The following ADAMTSL1 variants were observed in gnomAD, a reference collection of about 807,000 sequenced individuals.
ADAMTSL1 encodes ADAMTS like 1.
ADAMTSL1 carries 126 observed loss-of-function variants against 201.8 expected under a neutral mutation model. The observed-to-expected ratio is 0.62, with a 90% CI of 0.54 to 0.72. ADAMTSL1 has a LOEUF of 0.72. Among genes scored for constraint, ADAMTSL1 ranks in the 30% least tolerant of loss-of-function variants. ADAMTSL1 has a pLI of 0.00. For missense variants in ADAMTSL1, 2,679 were observed against 2,277.8 expected, an observed-to-expected ratio of 1.18 and a Z score of -3.59; for synonymous variants, 1,121 against 903.4, an observed-to-expected ratio of 1.24 and a Z score of -4.32.
chr9:18,405,931 C>T (rs7045434), intron 2 of ADAMTSL1, among the ~76,000 whole-genome samples: 25,008 of 152,096 alleles, frequency 0.16, 2,268 homozygotes, highest in South Asian at 0.24. Context: ...TCTTTCTAAG[C>T]AGAGAAACCT....
intron 2 of ADAMTSL1, among the ~76,000 whole-genome samples, chr9:18,279,661 C>G (rs143956844): frequency 6.6e-5 from 10 of 152,128 alleles, no homozygotes; most frequent in African/African-American, 2.4e-4. Flanking sequence ...TTAGATAATT[C>G]AAAATACAGC....
chr9:18,776,641 C>A (rs925026790), intron 18 of ADAMTSL1, 140 bp from the exon 19 acceptor site: 16 of 1,018,142 alleles, frequency 1.6e-5, no homozygotes, highest in Non-Finnish European at 2.2e-5. Context: ...ACTTTCTCTC[C>A]CGTCCTCCGG....
At chr9:18,543,967 C>T (rs961614414) in intron 3 of ADAMTSL1, among the ~76,000 whole-genome samples, 3 of 152,236 alleles carry the variant, frequency 2.0e-5, no homozygotes, top group Admixed American at 2.0e-4. Flanking sequence ...TTCTCAATTT[C>T]TTATCCTCTG....
chr9:18,622,539 G>T, intron 5 of ADAMTSL1, 170 bp downstream of exon 5: 2 of 1,004,482 alleles, frequency 2.0e-6, no homozygotes, highest in Non-Finnish European at 2.9e-6. Context: ...GGTGGGACAA[G>T]TCAGGTTACC....
At chr9:18,272,949 T>A (rs1168295143) in intron 2 of ADAMTSL1, among the ~76,000 whole-genome samples, 1 of 152,210 alleles carries the variant, frequency 6.6e-6, no homozygotes, top group Non-Finnish European at 1.5e-5. Context: ...AATGGGTAAG[T>A]GCATTATTTC....
rs544579116 is a variant in ADAMTSL1 at position 18,137,452 on chromosome 9, T to G, written c.88-26410T>G. Among the ~76,000 whole-genome samples, 67 of 152,258 alleles carry G rather than the reference T, an allele frequency of 4.4e-4. 1 individual carries two copies. The South Asian group carries it at 0.014, about 31-fold the overall frequency. On this transcript the variant is annotated intron_variant, in intron 1 of 29. Transcript: ENST00000680146. ...GTCTTCCAATCATTTAAAAAAATTCTAACAGACTAACATTGCAAGTCCAGG... is the reference window on the plus strand; with the variant it reads ...GTCTTCCAATCATTTAAAAAAATTCGAACAGACTAACATTGCAAGTCCAGG...
intron 2 of ADAMTSL1, among the ~76,000 whole-genome samples, chr9:18,378,758 T>C (rs1390898003): frequency 1.3e-5 from 2 of 152,228 alleles, no homozygotes; most frequent in African/African-American, 2.4e-5. Context: ...TGGCTGCTTC[T>C]TCCTCTCTGG....
At chr9:18,289,803 A>G (rs1293767354) in intron 2 of ADAMTSL1, among the ~76,000 whole-genome samples, 2 of 152,198 alleles carry the variant, frequency 1.3e-5, no homozygotes, top group Non-Finnish European at 2.9e-5. Context: ...CAAAGTATGA[A>G]AAACTTTCTT....
At chr9:18,132,560 G>A (rs913485813) in intron 1 of ADAMTSL1, among the ~76,000 whole-genome samples, 6 of 152,072 alleles carry the variant, frequency 3.9e-5, no homozygotes, top group Admixed American at 1.3e-4. Context: ...AACCTAGATG[G>A]GTTCAACTGT....
intron 23 of ADAMTSL1, among the ~76,000 whole-genome samples, chr9:18,870,721 G>A (rs72692450): frequency 0.014 from 2,076 of 151,878 alleles, 40 homozygotes; most frequent in South Asian, 0.08. Context: ...CAGGTTTCTA[G>A]GCTAGATACC....
intron 1 of ADAMTSL1, among the ~76,000 whole-genome samples, chr9:18,098,164 TTATC>T (rs1402074107): frequency 6.6e-6 from 1 of 152,056 alleles, no homozygotes; most frequent in African/African-American, 2.4e-5. Context: ...TTTGTTATAT[TTATC>T]TATATGTTTA....
intron 2 of ADAMTSL1, among the ~76,000 whole-genome samples, chr9:18,528,730 A>G (rs1046586792): frequency 6.6e-6 from 1 of 152,126 alleles, no homozygotes; most frequent in African/African-American, 2.4e-5. Context: ...GTTCTTTCAT[A>G]CTTGACCCAG....
At chr9:17,945,623 A>C (rs1827431418) in intron 1 of ADAMTSL1, among the ~76,000 whole-genome samples, 4 of 152,208 alleles carry the variant, frequency 2.6e-5, no homozygotes, top group Admixed American at 6.5e-5. Flanking sequence ...ACACCATGGA[A>C]TACTATGCAG....
chr9:18,496,099 T>C (rs1352327910), intron 1 of ADAMTSL1, among the ~76,000 whole-genome samples: 1 of 152,220 alleles, frequency 6.6e-6, no homozygotes, highest in Non-Finnish European at 1.5e-5. Flanking sequence ...TCCAGTCTAA[T>C]TGGAAAGATA....
chr9:18,600,828 C>T lies in ADAMTSL1; in HGVS notation c.475-21415C>T, dbSNP rs999124510. ...AGAAACAAAAATATAAACTCTTAGC[C>T]TGTACCTATGGTTGTTTCAAAAGAA... On this transcript the variant is annotated intron_variant, in intron 4 of 28. Transcript: ENST00000380548. Among the ~76,000 whole-genome samples, 9 of 152,288 alleles carry T rather than the reference C, an allele frequency of 5.9e-5. No individual in the cohort carries two copies. In the East Asian group the frequency reaches 1.3e-3, roughly 23 times the overall value.
At chr9:18,836,135 C>T (rs1027349767) in intron 23 of ADAMTSL1, among the ~76,000 whole-genome samples, 1 of 152,152 alleles carries the variant, frequency 6.6e-6, no homozygotes, top group Admixed American at 6.5e-5. Flanking sequence ...AGTATAAAAG[C>T]ATTCCCTTTT....
chr9:18,255,611 A>G (rs35611355), intron 2 of ADAMTSL1, among the ~76,000 whole-genome samples: 17,689 of 152,306 alleles, frequency 0.12, 1,102 homozygotes, highest in Middle Eastern at 0.16. Flanking sequence ...GGTGTGAAAT[A>G]TGAACCAATC....
intron 2 of ADAMTSL1, among the ~76,000 whole-genome samples, chr9:18,440,998 A>G (rs1436016249): frequency 6.6e-6 from 1 of 152,202 alleles, no homozygotes; most frequent in Non-Finnish European, 1.5e-5. Flanking sequence ...AAAAGGAATG[A>G]AGCACTGATT....
At chr9:18,582,776 G>A (rs1823186905) in intron 4 of ADAMTSL1, among the ~76,000 whole-genome samples, 1 of 151,772 alleles carries the variant, frequency 6.6e-6, no homozygotes, top group African/African-American at 2.4e-5. Context: ...TTGAACCAGG[G>A]AGGCGGAGGT....
Sources: gnomAD v4.1 joint callset for allele counts (sites outside exome capture counted in the v4.1 genomes callset) on GRCh38, gnomAD v4.1.1 for gene constraint, MANE v1.5 for transcripts, NCBI Gene and HGNC (gene_info 2026-07-23, HGNC 2026-07-21) for gene names.